Variants in RIF1 observed in about 807,000 individuals in gnomAD.
RIF1 encodes telomere-associated protein RIF1.
In RIF1, 45 loss-of-function variants were observed where a neutral mutation model predicts 247.1. The observed-to-expected ratio is 0.18, with a 90% CI of 0.14 to 0.23. The LOEUF (loss-of-function observed/expected upper bound fraction) is 0.23. RIF1 is among the 10% of genes least tolerant of loss of function. The pLI, the probability that RIF1 is intolerant of heterozygous loss-of-function variation, is 1.00. For synonymous variants in RIF1, 1,087 were observed against 978.8 expected, an observed-to-expected ratio of 1.11 and a Z score of -2.06; for missense variants, 2,967 against 2,862.5, an observed-to-expected ratio of 1.04 and a Z score of -0.83.
chr2:151,531,803 G>C, the RIF1 span: 1 of 1,610,926 alleles, frequency 6.2e-7, no homozygotes. Context: ...TCGCTGATTT[G>C]TTTGTTGACT....
At chr2:151,439,154 C>T (rs190643624) in intron 14 of RIF1, among the ~76,000 whole-genome samples, 12 of 152,136 alleles carry the variant, frequency 7.9e-5, no homozygotes, top group East Asian at 5.8e-4. Flanking sequence ...TAAGTGGAAA[C>T]GGGTTATATT....
chr2:151,411,328 A>G lies in RIF1; in HGVS notation c.173A>G (p.Lys58Arg), dbSNP rs202100792. ...EIEKKLPRLY[K>R]VLKTHISSQN... is the part of the protein sequence containing the mutation. Reference sequence around the variant, plus strand: ...GAGAAAAAACTTCCTCGGCTGTACAAAGTTTTAAAGGTATGTATCTGTTTG... The same window carrying G: ...GAGAAAAAACTTCCTCGGCTGTACAGAGTTTTAAAGGTATGTATCTGTTTG... Residue 58 changes from lysine (K) to arginine (R), a missense_variant, in exon 3 of 36, where the codon AAA becomes AGA. Physicochemically the swap from Lys to Arg is conservative, Grantham distance 26. This residue lies in a region of RIF1 where 269 missense variants were observed against 288.6 expected (regional missense o/e 0.93). Transcript: ENST00000444746. 3.9e-5 allele frequency: 61 copies of G among 1,583,238 alleles called. No individual in the cohort carries two copies. The Middle Eastern group carries it at 8.4e-4, about 22-fold the overall frequency.
intron 7 of RIF1, among the ~76,000 whole-genome samples, chr2:151,420,956 G>A (rs1458061677): frequency 6.6e-6 from 1 of 152,116 alleles, no homozygotes; most frequent in Non-Finnish European, 1.5e-5. Flanking sequence ...TCTGAAAGAG[G>A]GAGAGCATTA....
At chr2:151,512,019 C>CTTT (rs71403173), downstream of RIF1, among the ~76,000 whole-genome samples, 58 of 93,586 alleles carry the variant, frequency 6.2e-4, 3 homozygotes, top group African/African-American at 1.8e-3. Flanking sequence ...CCCTCTCACT[C>CTTT]TTTTTTTTTT....
At chr2:151,527,582 C>G in the RIF1 span, 2 of 1,609,854 alleles carry the variant, frequency 1.2e-6, no homozygotes, top group Non-Finnish European at 1.7e-6. Flanking sequence ...TTCTTATAGT[C>G]CAGCTGTTTT....
At chr2:151,514,258 T>C in the RIF1 span, 1 of 1,208,260 alleles carries the variant, frequency 8.3e-7, no homozygotes, top group Non-Finnish European at 1.2e-6. Flanking sequence ...CTGGTGTAAT[T>C]TGGCTAACAA....
chr2:151,512,639 G>T, downstream of RIF1: 2 of 933,788 alleles, frequency 2.1e-6, no homozygotes, highest in South Asian at 1.4e-5. Flanking sequence ...GGGAAAAACT[G>T]ATCTGAAGAA....
At position 151,465,429 on chromosome 2, in the gene RIF1, A is replaced by T; in HGVS notation, c.5909A>T (p.Asn1970Ile). ...NAKEVATEEF[N>I]SDISLSDNTT... ...AAAGAAGTAGCAACTGAGGAATTTA[A>T]TTCAGATATTAGTCTTTCTGATAAT... Residue 1970 changes from asparagine (N) to isoleucine (I), a missense_variant, in exon 30 of 36, where the codon AAT (asparagine) becomes ATT (isoleucine). Asn to Ile is a moderately radical substitution (Grantham distance 149). Coordinates refer to ENST00000444746, the MANE Select transcript of RIF1 (RefSeq NM_018151.5). 1 of 1,613,934 alleles carries T rather than the reference A, an allele frequency of 6.2e-7. No homozygotes were observed. Among genetic ancestry groups the T allele is most frequent in the South Asian group, 1.1e-5 (1 of 91,026 alleles).
Position 151,465,386 on chromosome 2 carries a change from A to G in RIF1, c.5866A>G (p.Thr1956Ala). 3.1e-6 allele frequency: 5 copies of G among 1,613,378 alleles called. No individual in the cohort carries two copies. Among genetic ancestry groups the G allele is most frequent in the Non-Finnish European group, 4.2e-6 (5 of 1,179,816 alleles). ...NKRNDDSEAD[T>A]AKLNAKEVAT... ...AAGAAATGATGACTCTGAAGCAGAC[A>G]CAGCTAAACTGAATGCCAAAGAAGT... The change falls in exon 30 of 36, where the codon ACA (threonine) becomes GCA (alanine). Residue 1956 changes from threonine (T) to alanine (A), a missense_variant. Physicochemically the swap from Thr to Ala is moderately conservative, Grantham distance 58. Coordinates refer to ENST00000444746, the MANE Select transcript of RIF1 (RefSeq NM_018151.5).
intron 10 of RIF1, among the ~76,000 whole-genome samples, chr2:151,434,479 T>C (rs1243335709): frequency 6.8e-6 from 1 of 146,136 alleles, no homozygotes; most frequent in Non-Finnish European, 1.5e-5. Flanking sequence ...CTCGCTCTGT[T>C]GCCCAGGCTA....
chr2:151,488,034 T>C (rs1181921827), intron 9 of RIF1, among the ~76,000 whole-genome samples: 1 of 152,188 alleles, frequency 6.6e-6, no homozygotes, highest in Non-Finnish European at 1.5e-5. Flanking sequence ...CACTTTTATT[T>C]TTATATTCCT....
chr2:151,491,523 A>C (rs531537640), intron 9 of RIF1: 4 of 595,880 alleles, frequency 6.7e-6, no homozygotes, highest in Non-Finnish European at 1.2e-5. Context: ...CTAGAAAGTA[A>C]GTTTTGCTCA....
intron 21 of RIF1, among the ~76,000 whole-genome samples, chr2:151,451,924 A>G (rs1236038876): frequency 1.3e-5 from 2 of 152,082 alleles, no homozygotes; most frequent in Non-Finnish European, 2.9e-5. Flanking sequence ...CTATCACACA[A>G]AATTTCTTTA....
chr2:151,423,689 G>A (rs1688535739), intron 8 of RIF1: 1 of 152,192 alleles, frequency 6.6e-6, no homozygotes, highest in Admixed American at 6.5e-5. Flanking sequence ...CCAATTTAGT[G>A]TTCAAGGCTA....
chr2:151,448,754 C>G (rs1309124103), intron 20 of RIF1, among the ~76,000 whole-genome samples: 1 of 152,276 alleles, frequency 6.6e-6, no homozygotes, highest in Non-Finnish European at 1.5e-5. Flanking sequence ...TTCACCCACA[C>G]TCCATGAGGT....
At chr2:151,516,871 C>T in the RIF1 span, among the ~76,000 whole-genome samples, 81 of 152,276 alleles carry the variant, frequency 5.3e-4, no homozygotes, top group African/African-American at 1.7e-3. Flanking sequence ...GAAAATTACC[C>T]AGGTAGATGA....
intron 15 of RIF1, among the ~76,000 whole-genome samples, chr2:151,441,080 A>G (rs1458199219): frequency 6.6e-6 from 1 of 152,190 alleles, no homozygotes; most frequent in Non-Finnish European, 1.5e-5. Context: ...AAAATTAGCC[A>G]GGCATGCTGA....
rs893734727 is a variant in RIF1, at chr2:151,479,361, A to T, written c.*4290A>T. Reference sequence around the variant, plus strand: ...TTTCAAGTTATAAAGAATCTTATTGATAAGGCAAAGTAGACAAAGTATTTT... The same window carrying T: ...TTTCAAGTTATAAAGAATCTTATTGTTAAGGCAAAGTAGACAAAGTATTTT... On this transcript the variant is annotated 3_prime_UTR_variant, in exon 36 of 36. Coordinates refer to ENST00000444746, the MANE Select transcript of RIF1 (RefSeq NM_018151.5). 1.3e-5 allele frequency: 2 copies of T among 152,196 alleles called. No individual in the cohort carries two copies. The highest frequency in any genetic ancestry group is 6.5e-5 in the Admixed American group (1 of 15,274). The allele number at this position is 152,196 out of a possible 1,614,324, so 9.4% of individuals were successfully genotyped here.
intron 11 of RIF1, among the ~76,000 whole-genome samples, chr2:151,500,252 C>CAAAGA (rs1013988052): frequency 6.6e-6 from 1 of 151,994 alleles, no homozygotes; most frequent in Non-Finnish European, 1.5e-5. Context: ...CTAATTATGT[C>CAAAGA]AAAGAATCAA....
Sources: allele counts gnomAD v4.1 joint callset (sites outside exome capture counted in the v4.1 genomes callset), GRCh38; gene constraint gnomAD v4.1.1; regional missense constraint gnomAD v4.1.1; transcripts MANE v1.5; gene names NCBI Gene and HGNC (gene_info 2026-07-23, HGNC 2026-07-21).